The following NUP205 variants were observed in gnomAD, a reference collection of about 807,000 sequenced individuals.
The protein encoded by NUP205 is nuclear pore complex protein Nup205.
NUP205 carries 76 observed loss-of-function variants against 253.8 expected under a neutral mutation model. The observed-to-expected ratio is 0.30, with a 90% CI of 0.25 to 0.36. The LOEUF (loss-of-function observed/expected upper bound fraction) is 0.36. NUP205 is among the 10% of genes least tolerant of loss of function. The pLI is 1.00. For synonymous variants in NUP205, 832 were observed against 850.1 expected (o/e 0.98, Z 0.37); for missense variants, 2,162 against 2,425.5 (o/e 0.89, Z 2.28).
At position 135,584,902 on chromosome 7, in the gene NUP205, C is replaced by T. The variant is rs1413521213; in HGVS notation, c.1113C>T (p.Phe371=). 2.8e-5 allele frequency: 45 copies of T among 1,613,738 alleles called. No homozygotes were observed. Among genetic ancestry groups the T allele is most frequent in the Middle Eastern group, 1.6e-4 (1 of 6,084 alleles). The stretch of plus-strand genomic sequence containing the variant: ...CAATTGCTGACAACGTTTTCCTGTT[C>T]CTCATGGAATCTGTAGTGGTATCAG... ...ELAIADNVFL[F]LMESVVVSEY... is the part of the protein sequence containing the mutation. Residue 371 remains phenylalanine, a synonymous_variant, in exon 8 of 43, where the codon TTC becomes TTT. Transcript: ENST00000285968.
rs1396383626 is a variant in NUP205 at position 135,617,102 on chromosome 7, T to C, written c.3545T>C (p.Ile1182Thr). The C allele has an allele frequency of 6.2e-7, 1 of 1,606,740 alleles. No individual in the cohort carries two copies. Among genetic ancestry groups the C allele is most frequent in the Non-Finnish European group, 8.5e-7 (1 of 1,177,796 alleles). Residue 1182 changes from isoleucine to threonine, a missense_variant, in exon 26 of 43, where the codon ATT becomes ACT. This residue lies in a region of NUP205 where 1,144 missense variants were observed against 1,280.9 expected (regional missense o/e 0.89). Coordinates refer to ENST00000285968, the MANE Select transcript of NUP205 (RefSeq NM_015135.3). ...TTATTATTTCTAGTACGTCGAAAAA[T>C]TCTAAATATTCTTGACTCGATTGAC... ...FDTATKVRRK[I>T]LNILDSIDFS...
At position 135,646,369 on chromosome 7, in the gene NUP205, T is replaced by C. The variant is rs7804936; in HGVS notation, c.5886+138T>C. 136,386 of 655,124 alleles carry C rather than the reference T, an allele frequency of 0.21. 15,356 individuals are homozygous for C. Among genetic ancestry groups the C allele is most frequent in the East Asian group, 0.3 (10,953 of 36,078 alleles). The allele number at this position is 655,124 out of a possible 1,614,324, so 40.6% of individuals were successfully genotyped here. Reference sequence around the variant, plus strand: ...CTTGAGCCCAGGAGTTTGAGAGCAGTCTGGGCAACATAGTGAGACCCCGTC... The same window carrying C: ...CTTGAGCCCAGGAGTTTGAGAGCAGCCTGGGCAACATAGTGAGACCCCGTC... On this transcript the variant is annotated intron_variant, in intron 42 of 42. Transcript: ENST00000285968.
chr7:135,560,987 A>T (rs1472268506), intron 1 of NUP205, among the ~76,000 whole-genome samples: 1 of 152,196 alleles, frequency 6.6e-6, no homozygotes, highest in Non-Finnish European at 1.5e-5. Flanking sequence ...CCTTTAAATT[A>T]CAGTTTTAAA....
At chr7:135,558,016 C>G (rs1805478528) in intron 1 of NUP205, 44 bp downstream of exon 1, 2 of 1,551,220 alleles carry the variant, frequency 1.3e-6, no homozygotes, top group South Asian at 1.1e-5. Context: ...GAGCGATAAC[C>G]AGGTCTTCAT....
rs1794384273 is a variant in NUP205, at chr7:135,617,353, G to A, written c.3690+106G>A. Reference sequence around the variant, plus strand: ...GGTTTTCTTTCTGATAGAGACATTGGTTTAGTAGTTTATAGGAAGGACTGT... The same window carrying A: ...GGTTTTCTTTCTGATAGAGACATTGATTTAGTAGTTTATAGGAAGGACTGT... On this transcript the variant is annotated intron_variant, in intron 26 of 42. Coordinates refer to ENST00000285968, the MANE Select transcript of NUP205 (RefSeq NM_015135.3). The A allele has an allele frequency of 5.4e-6, 6 of 1,112,770 alleles. No homozygotes were observed. The South Asian group carries it at 9.5e-5, about 18-fold the overall frequency. 68.9% of individuals were successfully genotyped at this position (1,112,770 alleles called of 1,614,324 possible).
In NUP205 at chr7:135,644,941, C is replaced by A; in HGVS notation, c.5606C>A (p.Ala1869Asp). Residue 1869 changes from alanine (A) to aspartate (D), a missense_variant, in exon 40 of 43, where the codon GCT (alanine) becomes GAT (aspartate). Ala to Asp is a moderately radical substitution (Grantham distance 126). Coordinates refer to ENST00000285968, the MANE Select transcript of NUP205 (RefSeq NM_015135.3). ...MPAGVDKIST[A>D]QKYVLARRRL... ...GCTGGTGTTGATAAAATCTCCACTG[C>A]TCAGAAATATGTTCTAGCAAGACGG... 1 of 1,614,020 alleles carries A rather than the reference C, an allele frequency of 6.2e-7. No individual in the cohort carries two copies. The highest frequency in any genetic ancestry group is 8.5e-7 in the Non-Finnish European group (1 of 1,179,924).
intron 34 of NUP205, among the ~76,000 whole-genome samples, chr7:135,629,311 G>A (rs539921966): frequency 3.9e-5 from 6 of 152,200 alleles, no homozygotes; most frequent in African/African-American, 1.4e-4. Flanking sequence ...GAGCTGGGAG[G>A]TCAGGATTTA....
intron 23 of NUP205, among the ~76,000 whole-genome samples, chr7:135,614,878 G>A (rs1038538326): frequency 6.6e-6 from 1 of 152,094 alleles, no homozygotes; most frequent in Non-Finnish European, 1.5e-5. Flanking sequence ...AGTTTAGCTT[G>A]TGTCATCTTT....
intron 10 of NUP205, among the ~76,000 whole-genome samples, chr7:135,589,662 G>A (rs1371053347): frequency 6.6e-5 from 10 of 151,388 alleles, no homozygotes; most frequent in Admixed American, 4.6e-4. Context: ...CAGGCACGGT[G>A]CTTCACACCT....
Position 135,602,962 on chromosome 7 carries a change from T to C in NUP205, c.2670T>C (p.Thr890=). The change falls in exon 18 of 43, where the codon ACT becomes ACC. Residue 890 remains threonine (T), a synonymous_variant. Transcript: ENST00000285968. ...EQLLQGINPR[T]KKADNVVNIA... The stretch of plus-strand genomic sequence containing the variant: ...TTTTGCAGGGAATTAATCCCAGAAC[T>C]AAGAAGGCAGATAATGTGGTAAACA... The C allele has an allele frequency of 6.2e-7, 1 of 1,612,886 alleles. No homozygotes were observed. The highest frequency in any genetic ancestry group is 1.1e-5 in the South Asian group (1 of 90,904).
chr7:135,618,423 T>G lies in NUP205; in HGVS notation c.3783T>G (p.Thr1261=). ...QRPLLMEEIS[T]VLQYVVGRNK... is the part of the protein sequence containing the mutation. ...TCCTGTGGCTTTAGGAAATCAGCAC[T>G]GTACTTCAGTATGTGGTAGGAAGAA... Residue 1261 remains threonine, a synonymous_variant, in exon 28 of 43, where the codon ACT becomes ACG. Coordinates refer to ENST00000285968, the MANE Select transcript of NUP205 (RefSeq NM_015135.3). The G allele has an allele frequency of 6.2e-7, 1 of 1,614,038 alleles. No individual in the cohort carries two copies. The highest frequency in any genetic ancestry group is 8.5e-7 in the Non-Finnish European group (1 of 1,179,958).
intron 30 of NUP205, among the ~76,000 whole-genome samples, chr7:135,621,366 T>C (rs1794466955): frequency 6.6e-6 from 1 of 152,188 alleles, no homozygotes; most frequent in Admixed American, 6.5e-5. Context: ...ACTCAGCACC[T>C]CCCACATTTT....
At chr7:135,626,463 A>G (rs1584683760) in intron 33 of NUP205, 102 bp downstream of exon 33, 1 of 1,310,726 alleles carries the variant, frequency 7.6e-7, no homozygotes, top group Non-Finnish European at 1.0e-6. Context: ...ATTCTCTTTC[A>G]TCTTGGTGTG....
Position 135,583,483 on chromosome 7 carries a change from G to A in NUP205, c.1043-1349G>A, listed in dbSNP as rs193046812. Among the ~76,000 whole-genome samples, 210 of 152,252 alleles carry A rather than the reference G, an allele frequency of 1.4e-3. 1 individual carries two copies. The highest frequency in any genetic ancestry group is 2.0e-3 in the Non-Finnish European group (138 of 68,024). On this transcript the variant is annotated intron_variant, in intron 7 of 42. Coordinates refer to ENST00000285968, the MANE Select transcript of NUP205 (RefSeq NM_015135.3). ...AGTTTTAAAGATGTGATAATGGCCA[G>A]GCGCAGTGACTCACGCCTGTAATCC...
In NUP205 at chr7:135,597,129, T is replaced by A. The variant is rs183804798; in HGVS notation, c.2014-239T>A. 198 of 423,564 alleles carry A rather than the reference T, an allele frequency of 4.7e-4. 1 individual carries two copies. The highest frequency in any genetic ancestry group is 3.3e-3 in the African/African-American group (165 of 50,620). 26.2% of individuals were successfully genotyped at this position (423,564 alleles called of 1,614,324 possible). On this transcript the variant is annotated intron_variant, in intron 13 of 42. Coordinates refer to ENST00000285968, the MANE Select transcript of NUP205 (RefSeq NM_015135.3). ...TCTGAGAGGAAATTTGCTGAAAAAATGTCTTGTGTGCTCTTAGAAACTACC... is the reference window on the plus strand; with the variant it reads ...TCTGAGAGGAAATTTGCTGAAAAAAAGTCTTGTGTGCTCTTAGAAACTACC...
At chr7:135,618,919 A>C (rs1225671365) in intron 28 of NUP205, among the ~76,000 whole-genome samples, 1 of 152,160 alleles carries the variant, frequency 6.6e-6, no homozygotes, top group Non-Finnish European at 1.5e-5. Context: ...TCTGATAGGA[A>C]TCCCTTCTGG....
intron 1 of NUP205, among the ~76,000 whole-genome samples, chr7:135,568,581 G>A (rs887768581): frequency 1.3e-5 from 2 of 152,000 alleles, no homozygotes; most frequent in African/African-American, 2.4e-5. Flanking sequence ...TGATCTGCCC[G>A]CCTCGGCCTT....
At chr7:135,631,374 T>C (rs1794710919) in intron 35 of NUP205, among the ~76,000 whole-genome samples, 1 of 152,208 alleles carries the variant, frequency 6.6e-6, no homozygotes, top group Non-Finnish European at 1.5e-5. Flanking sequence ...TGTCACCTTT[T>C]AAAAGATCAC....
Position 135,644,922 on chromosome 7 carries a change from G to A in NUP205, c.5587G>A (p.Val1863Ile). The A allele has an allele frequency of 2.5e-6, 4 of 1,614,044 alleles. No homozygotes were observed. Among genetic ancestry groups the A allele is most frequent in the Non-Finnish European group, 3.4e-6 (4 of 1,179,924 alleles). Residue 1863 changes from valine (V) to isoleucine (I), a missense_variant, in exon 40 of 43, where the codon GTT becomes ATT. This residue lies in a region of NUP205 where 1,144 missense variants were observed against 1,280.9 expected (regional missense o/e 0.89). Coordinates refer to ENST00000285968, the MANE Select transcript of NUP205 (RefSeq NM_015135.3). The stretch of plus-strand genomic sequence containing the variant: ...GTGTCAGTCTGTGATGCCTGCTGGT[G>A]TTGATAAAATCTCCACTGCTCAGAA... ...ELCQSVMPAG[V>I]DKISTAQKYV...
Sources: gnomAD v4.1 joint callset for allele counts (sites outside exome capture counted in the v4.1 genomes callset) on GRCh38, gnomAD v4.1.1 for gene constraint, gnomAD v4.1.1 regional missense constraint, MANE v1.5 for transcripts, NCBI Gene and HGNC (gene_info 2026-07-23, HGNC 2026-07-21) for gene names.